NRXN1: variants seen among roughly 807,000 people sequenced by gnomAD.
NRXN1 encodes neurexin 1, also known as neurexin-1.
NRXN1 carries 39 observed loss-of-function variants against 150.9 expected under a neutral mutation model. That is an observed-to-expected ratio of 0.26 (90% CI 0.20 to 0.34). The LOEUF is 0.34. Ranked by LOEUF, NRXN1 falls within the 10% of genes least tolerant of loss-of-function variation. NRXN1 has a pLI of 1.00. For synonymous variants in NRXN1, 924 were observed against 757.0 expected (o/e 1.22, Z -3.62); for missense variants, 1,815 against 1,949.9 (o/e 0.93, Z 1.30).
intron 21 of NRXN1, among the ~76,000 whole-genome samples, chr2:50,028,963 C>T (rs1338961309): frequency 1.3e-5 from 2 of 152,102 alleles, no homozygotes; most frequent in African/African-American, 4.8e-5. Context: ...ATGGAGCTTG[C>T]AATGCTGTTA....
intron 2 of NRXN1, among the ~76,000 whole-genome samples, chr2:50,943,069 A>G (rs1010190914): frequency 6.6e-6 from 1 of 151,998 alleles, no homozygotes; most frequent in East Asian, 1.9e-4. Context: ...TGGTTGTTTG[A>G]TAAGTATGTG....
chr2:50,976,327 C>T (rs1338174799), intron 2 of NRXN1, among the ~76,000 whole-genome samples: 1 of 151,564 alleles, frequency 6.6e-6, no homozygotes, highest in South Asian at 2.1e-4. Context: ...TTTTTGGAAC[C>T]TATTTGCTTG....
At chr2:50,731,362 T>G (rs1364315591) in intron 5 of NRXN1, among the ~76,000 whole-genome samples, 1 of 152,222 alleles carries the variant, frequency 6.6e-6, no homozygotes, top group Non-Finnish European at 1.5e-5. Flanking sequence ...CTGATTATTC[T>G]TTTGTAAGTT....
chr2:50,423,774 A>C (rs2084199524), intron 17 of NRXN1, among the ~76,000 whole-genome samples: 1 of 152,082 alleles, frequency 6.6e-6, no homozygotes, highest in Non-Finnish European at 1.5e-5. Flanking sequence ...TCAGGAAAAG[A>C]AAGAAAGAAA....
chr2:50,788,211 T>A (rs1484387044), intron 5 of NRXN1, among the ~76,000 whole-genome samples: 1 of 151,814 alleles, frequency 6.6e-6, no homozygotes, highest in African/African-American at 2.4e-5. Flanking sequence ...TTCTGCCTCC[T>A]GAGCAGCTGG....
chr2:49,951,182 C>T (rs1673886076), intron 21 of NRXN1, among the ~76,000 whole-genome samples: 2 of 151,762 alleles, frequency 1.3e-5, no homozygotes, highest in African/African-American at 4.8e-5. Context: ...AATAATGTCA[C>T]AGAAATGCAC....
At chr2:50,170,530 C>G (rs2059965450) in intron 18 of NRXN1, among the ~76,000 whole-genome samples, 1 of 152,120 alleles carries the variant, frequency 6.6e-6, no homozygotes, top group Non-Finnish European at 1.5e-5. Context: ...CTCCTGTCCT[C>G]AAGTGATTCG....
intron 17 of NRXN1, among the ~76,000 whole-genome samples, chr2:50,351,478 T>C (rs1367730370): frequency 1.3e-5 from 2 of 152,156 alleles, no homozygotes; most frequent in African/African-American, 2.4e-5. Context: ...GGCTTGTTAA[T>C]TGGTCCAACG....
chr2:50,234,216 G>C (rs542045894), intron 18 of NRXN1, among the ~76,000 whole-genome samples: 1 of 152,030 alleles, frequency 6.6e-6, no homozygotes, highest in Non-Finnish European at 1.5e-5. Flanking sequence ...GAAAAAGGCC[G>C]GGCACGGTGG....
chr2:50,185,906 G>A (rs1423685050), intron 18 of NRXN1, among the ~76,000 whole-genome samples: 3 of 151,992 alleles, frequency 2.0e-5, no homozygotes, highest in Admixed American at 1.3e-4. Context: ...TACTCAGTGT[G>A]TGTTCCTCTT....
chr2:50,538,367 C>T lies in NRXN1; in HGVS notation c.2029G>A (p.Ala677Thr), dbSNP rs1462000645. 6.2e-7 allele frequency: 1 copy of T among 1,613,998 alleles called. No individual in the cohort carries two copies. Among genetic ancestry groups the T allele is most frequent in the Non-Finnish European group, 8.5e-7 (1 of 1,179,880 alleles). ...CAAGGGTTGCTAAGGCACGGTTTTG[C>T]TGTTTCCTTTGAGCAGGAAGGCTTC... ...GVKPSCSKET[A>T]KPCLSNPCKN... The change falls in exon 10 of 23, where the codon GCA (alanine) becomes ACA (threonine). Residue 677 changes from alanine to threonine, a missense_variant. Coordinates refer to ENST00000401669, the MANE Select transcript of NRXN1 (RefSeq NM_001330078.2).
intron 19 of NRXN1, among the ~76,000 whole-genome samples, chr2:50,083,019 G>A (rs1159884397): frequency 1.3e-5 from 2 of 152,116 alleles, no homozygotes; most frequent in African/African-American, 2.4e-5. Flanking sequence ...GAAAAAAAGG[G>A]CCTGTTTGGG....
At position 50,055,681 on chromosome 2, in the gene NRXN1, T is replaced by C. The variant is rs1013882849; in HGVS notation, c.3719-637A>G. On this transcript the variant is annotated intron_variant, in intron 19 of 22. Transcript: ENST00000401669. ...TGCATCTTGCATCATCCAGATACGT[T>C]ATTACAGGAAAAGGCTTTGACAAAA... Among the ~76,000 whole-genome samples, 7 of 152,176 alleles carry C rather than the reference T, an allele frequency of 4.6e-5. No individual in the cohort carries two copies. The East Asian group carries it at 1.2e-3, about 25-fold the overall frequency.
chr2:50,515,210 A>T (rs2092593747), intron 12 of NRXN1, among the ~76,000 whole-genome samples: 1 of 152,158 alleles, frequency 6.6e-6, no homozygotes, highest in Non-Finnish European at 1.5e-5. Context: ...TCTAGGTTTC[A>T]TGCTCCTTAG....
intron 17 of NRXN1, among the ~76,000 whole-genome samples, chr2:50,266,507 T>C (rs1574834697): frequency 6.8e-6 from 1 of 147,306 alleles, no homozygotes; most frequent in African/African-American, 2.5e-5. Context: ...TTTAGTTACA[T>C]ATAAAATATA....
intron 13 of NRXN1, among the ~76,000 whole-genome samples, chr2:50,500,665 T>C (rs1398165190): frequency 3.3e-5 from 5 of 152,186 alleles, no homozygotes; most frequent in South Asian, 2.1e-4. Context: ...GATCACAATA[T>C]TTAAGGTATA....
chr2:50,497,658 T>C lies in NRXN1; in HGVS notation c.2554A>G (p.Ile852Val). The C allele has an allele frequency of 6.2e-7, 1 of 1,613,920 alleles. No homozygotes were observed. Among genetic ancestry groups the C allele is most frequent in the Non-Finnish European group, 8.5e-7 (1 of 1,179,794 alleles). ...LEFHNIETGI[I>V]TERRYLSSVP... is the part of the protein sequence containing the mutation. ...GAAGAAAGATACCGTCGTTCTGTGA[T>C]GATGCCAGTCTCTATGTTATGGAAC... The change falls in exon 14 of 23, where the codon ATC becomes GTC. Residue 852 changes from isoleucine to valine, a missense_variant. Coordinates refer to ENST00000401669, the MANE Select transcript of NRXN1 (RefSeq NM_001330078.2).
intron 5 of NRXN1, among the ~76,000 whole-genome samples, chr2:50,909,984 T>G (rs1219894559): frequency 6.6e-6 from 1 of 151,818 alleles, no homozygotes; most frequent in Non-Finnish European, 1.5e-5. Context: ...AATTATTTCC[T>G]GGTCAGCATT....
chr2:50,869,342 A>T (rs1677421030), intron 5 of NRXN1, among the ~76,000 whole-genome samples: 2 of 151,794 alleles, frequency 1.3e-5, no homozygotes, highest in South Asian at 4.1e-4. Context: ...TCACGATGAC[A>T]GAATTATTAT....
Sources: gnomAD v4.1 joint callset for allele counts (sites outside exome capture counted in the v4.1 genomes callset) on GRCh38, gnomAD v4.1.1 for gene constraint, MANE v1.5 for transcripts, NCBI Gene and HGNC (gene_info 2026-07-23, HGNC 2026-07-21) for gene names.